Variants in PTPRM observed in about 807,000 individuals in gnomAD.
PTPRM encodes receptor-type tyrosine-protein phosphatase mu.
PTPRM carries 47 observed loss-of-function variants against 186.7 expected under a neutral mutation model. That is an observed-to-expected ratio of 0.25 (90% CI 0.20 to 0.32). The LOEUF (loss-of-function observed/expected upper bound fraction) is 0.32. Among genes scored for constraint, PTPRM ranks in the 10% least tolerant of loss-of-function variants. The pLI is 1.00. For missense variants in PTPRM, 1,494 were observed against 1,865.0 expected, an observed-to-expected ratio of 0.80 and a Z score of 3.66; for synonymous variants, 668 against 674.9, an observed-to-expected ratio of 0.99 and a Z score of 0.16.
chr18:7,656,764 G>T (rs1027371443), intron 1 of PTPRM, among the ~76,000 whole-genome samples: 5 of 152,058 alleles, frequency 3.3e-5, no homozygotes, highest in African/African-American at 1.2e-4. Flanking sequence ...AGTTCTCATT[G>T]TTTTCCCTAT....
intron 2 of PTPRM, among the ~76,000 whole-genome samples, chr18:7,799,558 G>T (rs546564731): frequency 6.6e-6 from 1 of 152,092 alleles, no homozygotes; most frequent in African/African-American, 2.4e-5. Context: ...CATTTATTTA[G>T]ATCTTCTTTT....
chr18:7,730,337 G>A (rs1043536158), intron 1 of PTPRM, among the ~76,000 whole-genome samples: 2 of 152,126 alleles, frequency 1.3e-5, no homozygotes, highest in African/African-American at 4.8e-5. Flanking sequence ...TTAATGGCCA[G>A]TCATTTCTAT....
chr18:7,844,284 T>G (rs1278457504), intron 2 of PTPRM, among the ~76,000 whole-genome samples: 2 of 152,198 alleles, frequency 1.3e-5, no homozygotes, highest in Non-Finnish European at 2.9e-5. Context: ...ACATGTAAAA[T>G]ACACTCACTT....
intron 1 of PTPRM, among the ~76,000 whole-genome samples, chr18:7,574,448 T>C (rs1306604004): frequency 6.6e-6 from 1 of 152,254 alleles, no homozygotes; most frequent in African/African-American, 2.4e-5. Flanking sequence ...TATTTAATAG[T>C]GCTTATTAAT....
At chr18:7,985,064 A>T (rs2082837388) in intron 7 of PTPRM, among the ~76,000 whole-genome samples, 1 of 123,924 alleles carries the variant, frequency 8.1e-6, no homozygotes, top group African/African-American at 3.1e-5. Context: ...TATACATATA[A>T]TTGTATATAC....
intron 7 of PTPRM, among the ~76,000 whole-genome samples, chr18:8,014,290 A>G (rs531822609): frequency 6.6e-6 from 1 of 152,282 alleles, no homozygotes; most frequent in African/African-American, 2.4e-5. Context: ...TTTTTAAGCA[A>G]ATTATTTGGT....
chr18:8,101,998 A>G (rs1298554455), intron 11 of PTPRM, among the ~76,000 whole-genome samples: 1 of 152,244 alleles, frequency 6.6e-6, no homozygotes, highest in East Asian at 1.9e-4. Flanking sequence ...GAATATCACA[A>G]TAAAGCAAGT....
At position 7,591,557 on chromosome 18, in the gene PTPRM, G is replaced by A. The variant is rs1344160654; in HGVS notation, c.73+23666G>A. Reference sequence around the variant, plus strand: ...TGCTGTATGTTTAAATGCCATTAAAGAGAGAGAATATGCAAGCCAACTTAT... The same window carrying A: ...TGCTGTATGTTTAAATGCCATTAAAAAGAGAGAATATGCAAGCCAACTTAT... On this transcript the variant is annotated intron_variant, in intron 1 of 32. Coordinates refer to ENST00000580170, the MANE Select transcript of PTPRM (RefSeq NM_001105244.2). Among the ~76,000 whole-genome samples the A allele has an allele frequency of 3.9e-5, 6 of 152,204 alleles. 1 individual carries two copies. Among genetic ancestry groups the A allele is most frequent in the Admixed American group, 3.9e-4 (6 of 15,278 alleles).
intron 5 of PTPRM, among the ~76,000 whole-genome samples, chr18:7,945,839 C>G (rs1213680213): frequency 6.6e-6 from 1 of 152,178 alleles, no homozygotes; most frequent in Non-Finnish European, 1.5e-5. Flanking sequence ...TGAATCCATG[C>G]ACACATGAAT....
Position 8,022,581 on chromosome 18 carries a change from C to G in PTPRM, c.1133-47105C>G, listed in dbSNP as rs896730404. ...CCTAGACAGAAACCATAACAGGTCT[C>G]CACCCACCGTTATTAAATCATGCAT... is the stretch of plus-strand genomic sequence containing the variant. On this transcript the variant is annotated intron_variant, in intron 7 of 32. Transcript: ENST00000580170. Among the ~76,000 whole-genome samples the G allele has an allele frequency of 4.6e-5, 7 of 152,106 alleles. No homozygotes were observed. In the East Asian group the frequency reaches 1.4e-3, roughly 29 times the overall value.
rs963066458 is a variant in PTPRM, at chr18:7,567,594, G to A, written c.-225G>A. 15 of 398,240 alleles carry A rather than the reference G, an allele frequency of 3.8e-5. No individual in the cohort carries two copies. The East Asian group carries it at 5.2e-4, about 14-fold the overall frequency. The allele number at this position is 398,240 out of a possible 1,614,324, so 24.7% of individuals were successfully genotyped here. On this transcript the variant is annotated 5_prime_UTR_variant, in exon 1 of 33. Transcript: ENST00000580170. The surrounding 1 kb of genome is among the most constrained non-coding windows in gnomAD (Gnocchi z 4.3). ...CCCTCTGCCAGCGGCGCCAGACGCC[G>A]AGTGGGGCCAGGGACAGGGGAGGAG... is the stretch of plus-strand genomic sequence containing the variant.
At chr18:7,869,113 T>C (rs1359825427) in intron 2 of PTPRM, among the ~76,000 whole-genome samples, 4 of 152,210 alleles carry the variant, frequency 2.6e-5, no homozygotes, top group Non-Finnish European at 2.9e-5. Context: ...TTGAAGCCAG[T>C]GGATCTTAGC....
At chr18:8,300,527 T>G (rs1333366070) in intron 20 of PTPRM, among the ~76,000 whole-genome samples, 1 of 151,894 alleles carries the variant, frequency 6.6e-6, no homozygotes, top group East Asian at 1.9e-4. Context: ...AATCAGCATG[T>G]TGAAGTCTCC....
intron 2 of PTPRM, among the ~76,000 whole-genome samples, chr18:7,832,200 A>C (rs1479052498): frequency 6.6e-6 from 1 of 152,188 alleles, no homozygotes; most frequent in Non-Finnish European, 1.5e-5. Flanking sequence ...AGGAACCTTC[A>C]AACTGTTCTC....
chr18:8,114,544 C>T (rs1457350573), intron 12 of PTPRM, among the ~76,000 whole-genome samples: 1 of 152,102 alleles, frequency 6.6e-6, no homozygotes, highest in Non-Finnish European at 1.5e-5. Flanking sequence ...CCGGGGCCAC[C>T]AGGCAGAGAC....
At chr18:8,115,457 T>C (rs969876978) in intron 13 of PTPRM, among the ~76,000 whole-genome samples, 3 of 152,266 alleles carry the variant, frequency 2.0e-5, no homozygotes, top group South Asian at 4.1e-4. Context: ...CAGACGTGTG[T>C]TTGTGAACAT....
chr18:7,983,839 A>G (rs2082690103), intron 7 of PTPRM, among the ~76,000 whole-genome samples: 1 of 152,194 alleles, frequency 6.6e-6, no homozygotes, highest in Admixed American at 6.5e-5. Flanking sequence ...TCACATAAAA[A>G]CGTGCCATAG....
At chr18:8,144,873 G>A (rs777316075) in intron 14 of PTPRM, among the ~76,000 whole-genome samples, 3 of 152,104 alleles carry the variant, frequency 2.0e-5, no homozygotes, top group African/African-American at 2.4e-5. Context: ...CTATTGTTTC[G>A]AAACAGTTGT....
At chr18:8,143,858 G>C (rs1332740561) in intron 14 of PTPRM, 79 bp downstream of exon 14, 16 of 1,536,968 alleles carry the variant, frequency 1.0e-5, no homozygotes, top group Non-Finnish European at 1.3e-5. Context: ...AAAATTCTCA[G>C]TTACTGAACT....
Sources: gnomAD v4.1 joint callset for allele counts (sites outside exome capture counted in the v4.1 genomes callset) on GRCh38, gnomAD v4.1.1 for gene constraint, Gnocchi (gnomAD v3.1) non-coding constraint, MANE v1.5 for transcripts, NCBI Gene and HGNC (gene_info 2026-07-23, HGNC 2026-07-21) for gene names.